Variants in OR8G5 observed in about 807,000 individuals in gnomAD.
The protein encoded by OR8G5 is olfactory receptor 8G5.
For synonymous variants in OR8G5, 147 were observed against 147.7 expected, an observed-to-expected ratio of 1.00 and a Z score of 0.03; for missense variants, 347 against 371.9, an observed-to-expected ratio of 0.93 and a Z score of 0.55.
At chr11:124,264,782 C>A (rs777081863) in intron 1 of OR8G5, 136 bp from the exon 2 acceptor site, 1 of 1,069,828 alleles carries the variant, frequency 9.3e-7, no homozygotes, top group South Asian at 1.6e-5. Context: ...TTACTACATG[C>A]TAAATTGGGA....
At chr11:124,259,270 A>C (rs4475933) in intron 1 of OR8G5, among the ~76,000 whole-genome samples, 1 of 152,208 alleles carries the variant, frequency 6.6e-6, no homozygotes, top group Admixed American at 6.5e-5. Flanking sequence ...CAACACAAAC[A>C]GGATATTTAC....
chr11:124,265,129 G>T lies in OR8G5; in HGVS notation c.198G>T (p.Leu66=). Residue 66 remains leucine, a synonymous_variant, in exon 2 of 2, where the codon CTG becomes CTT. Coordinates refer to ENST00000641992, the MANE Select transcript of OR8G5 (RefSeq NM_001005198.2). ...CTATGTACTGTTTCCTCAGCAGTCT[G>T]TCCTTCATTGACTTCTGCCATTCCA... ...HTPMYCFLSS[L]SFIDFCHSTV... The T allele has an allele frequency of 6.2e-7, 1 of 1,614,064 alleles. No individual in the cohort carries two copies. The highest frequency in any genetic ancestry group is 8.5e-7 in the Non-Finnish European group (1 of 1,179,958).
intron 1 of OR8G5, among the ~76,000 whole-genome samples, chr11:124,260,953 A>G (rs1298743746): frequency 2.0e-5 from 3 of 151,878 alleles, no homozygotes; most frequent in African/African-American, 7.2e-5. Flanking sequence ...GTACCCATTA[A>G]TCCATATCTC....
intron 1 of OR8G5, among the ~76,000 whole-genome samples, chr11:124,263,914 C>G (rs17128778): frequency 0.041 from 6,194 of 152,034 alleles, 405 homozygotes; most frequent in African/African-American, 0.14. Context: ...GGGGATCACA[C>G]TTGTAATTCT....
intron 1 of OR8G5, among the ~76,000 whole-genome samples, chr11:124,261,122 G>A (rs1166298762): frequency 2.0e-5 from 3 of 151,732 alleles, no homozygotes; most frequent in Non-Finnish European, 4.4e-5. Context: ...CAAATTACAG[G>A]ATTTCGTTCG....
rs142928089 is a variant in OR8G5 at position 124,265,998 on chromosome 11, T to G, written c.*131T>G. On this transcript the variant is annotated 3_prime_UTR_variant, in exon 2 of 2. Coordinates refer to ENST00000641992, the MANE Select transcript of OR8G5 (RefSeq NM_001005198.2). The stretch of plus-strand genomic sequence containing the variant: ...TTGGGGGGATTTTACTGACGTTATG[T>G]CTTATGCACATGGTCTATTTCATGC... 6.8e-4 allele frequency: 768 copies of G among 1,137,288 alleles called. 3 individuals carry two copies. In the African/African-American group the frequency reaches 0.011, roughly 16 times the overall value. 70.4% of individuals were successfully genotyped at this position (1,137,288 alleles called of 1,614,324 possible).
At chr11:124,263,727 A>G (rs1450706934) in intron 1 of OR8G5, among the ~76,000 whole-genome samples, 3 of 151,402 alleles carry the variant, frequency 2.0e-5, no homozygotes, top group African/African-American at 7.3e-5. Flanking sequence ...CAGAAGTTTT[A>G]TAGTTAGTTT....
intron 1 of OR8G5, among the ~76,000 whole-genome samples, chr11:124,261,677 A>C (rs1861972897): frequency 6.6e-6 from 1 of 151,970 alleles, no homozygotes. Context: ...ATAATTAGTG[A>C]AGTGAACATC....
At chr11:124,264,134 A>G (rs12574995) in intron 1 of OR8G5, among the ~76,000 whole-genome samples, 73,295 of 152,010 alleles carry the variant, frequency 0.48, 18,444 homozygotes, top group East Asian at 0.58. Flanking sequence ...TGAAAATGTT[A>G]TTATTAATAG....
intron 1 of OR8G5, 100 bp from the exon 2 acceptor site, chr11:124,264,818 C>T (rs759267021): frequency 4.6e-5 from 67 of 1,460,166 alleles, no homozygotes; most frequent in Middle Eastern, 2.0e-4. Flanking sequence ...TTAATTGAAC[C>T]GGAGTTAAAT....
chr11:124,262,095 A>G (rs1415740317), intron 1 of OR8G5, among the ~76,000 whole-genome samples: 1 of 151,834 alleles, frequency 6.6e-6, no homozygotes, highest in Non-Finnish European at 1.5e-5. Context: ...TCAGTTCAAA[A>G]ATCTAGGAAA....
chr11:124,264,697 C>T (rs1277141265), intron 1 of OR8G5: 1 of 554,950 alleles, frequency 1.8e-6, no homozygotes, highest in African/African-American at 1.9e-5. Context: ...ACAAAATAGA[C>T]ACTCAAAGTT....
At chr11:124,261,511 G>A (rs1432860169) in intron 1 of OR8G5, among the ~76,000 whole-genome samples, 1 of 151,938 alleles carries the variant, frequency 6.6e-6, no homozygotes, top group South Asian at 2.1e-4. Context: ...ATAAAGTTCT[G>A]CATTCCATAG....
At chr11:124,258,446 T>G (rs1359982669) in intron 1 of OR8G5, among the ~76,000 whole-genome samples, 1 of 151,928 alleles carries the variant, frequency 6.6e-6, no homozygotes, top group Admixed American at 6.6e-5. Flanking sequence ...TAATCTCAGC[T>G]ACTCAGGAGG....
In OR8G5 at chr11:124,256,484, G is replaced by T. The variant is rs1443021042; in HGVS notation, c.-165G>T. On this transcript the variant is annotated 5_prime_UTR_variant, in exon 1 of 2. Coordinates refer to ENST00000641992, the MANE Select transcript of OR8G5 (RefSeq NM_001005198.2). The stretch of plus-strand genomic sequence containing the variant: ...GCAGATTGATTTCAAAAGTGAGTGA[G>T]ATGTCTTGTGCTTTGCAGTCTCAGG... 1.3e-5 allele frequency: 2 copies of T among 152,252 alleles called. No homozygotes were observed. Among genetic ancestry groups the T allele is most frequent in the Non-Finnish European group, 1.5e-5 (1 of 68,082 alleles). The allele number at this position is 152,252 out of a possible 1,614,324, so 9.4% of individuals were successfully genotyped here. A position where few individuals can be genotyped will look rare whatever the true frequency, so the allele number is the denominator to read the frequency against.
intron 1 of OR8G5, among the ~76,000 whole-genome samples, chr11:124,263,834 G>C (rs1035917085): frequency 6.6e-6 from 1 of 151,958 alleles, no homozygotes; most frequent in African/African-American, 2.4e-5. Context: ...TAAATAATTT[G>C]ACTCATTCAT....
In OR8G5 at chr11:124,265,649, A is replaced by G; in HGVS notation, c.718A>G (p.Thr240Ala). The G allele has an allele frequency of 1.9e-6, 3 of 1,614,006 alleles. No homozygotes were observed. The highest frequency in any genetic ancestry group is 2.5e-6 in the Non-Finnish European group (3 of 1,179,900). Residue 240 changes from threonine to alanine, a missense_variant, in exon 2 of 2, where the codon ACT (threonine) becomes GCT (alanine). By Grantham distance (58) the Thr-to-Ala change is moderately conservative. Transcript: ENST00000641992. ...TGAGGGCAGGTCCAAAGCCTTCAGC[A>G]CTTGCAGCTCCCACATCTCGGCTGT... Reference protein sequence around the residue: ...YTEGRSKAFSTCSSHISAVSV... With the variant: ...YTEGRSKAFSACSSHISAVSV...
chr11:124,265,885 A>T lies in OR8G5; in HGVS notation c.*18A>T. On this transcript the variant is annotated 3_prime_UTR_variant, in exon 2 of 2. Coordinates refer to ENST00000641992, the MANE Select transcript of OR8G5 (RefSeq NM_001005198.2). ...TCTTATGAACAGAAGTACAATGAAA[A>T]AGATTGCATTAGATCTAAGTTTTTG... 2 of 1,581,648 alleles carry T rather than the reference A, an allele frequency of 1.3e-6. No homozygotes were observed. The highest frequency in any genetic ancestry group is 1.7e-6 in the Non-Finnish European group (2 of 1,163,540).
chr11:124,259,415 TTAAC>T (rs745348196), intron 1 of OR8G5, among the ~76,000 whole-genome samples: 62 of 152,252 alleles, frequency 4.1e-4, no homozygotes, highest in Middle Eastern at 6.8e-3. Context: ...CAATACTAGT[TTAAC>T]TAAAATAAAA....
Sources: gnomAD v4.1 joint callset for allele counts (sites outside exome capture counted in the v4.1 genomes callset) on GRCh38, gnomAD v4.1.1 for gene constraint, MANE v1.5 for transcripts, NCBI Gene and HGNC (gene_info 2026-07-23, HGNC 2026-07-21) for gene names.